TMEM205: variants seen among roughly 807,000 people sequenced by gnomAD.
TMEM205 encodes MBC3205.
TMEM205 carries 11 observed loss-of-function variants against 17.9 expected under a neutral mutation model. The observed-to-expected ratio is 0.61, with a 90% confidence interval of 0.39 to 1.02. TMEM205 has a LOEUF of 1.02. Among genes scored for constraint, TMEM205 ranks in the 50% least tolerant of loss-of-function variants. The probability of loss-of-function intolerance (pLI) is 0.01; values close to 1 mark genes in which losing one functional copy is unlikely to be tolerated. For synonymous variants in TMEM205, 86 were observed against 97.4 expected (o/e 0.88, Z 0.69); for missense variants, 236 against 239.4 (o/e 0.99, Z 0.09).
At chr19:11,344,133 C>G (rs546716732) in intron 2 of TMEM205, among the ~76,000 whole-genome samples, 3 of 151,520 alleles carry the variant, frequency 2.0e-5, no homozygotes, top group African/African-American at 4.9e-5. Context: ...TTAGTAGAGA[C>G]GGGGTTTCAC....
rs754961217 is a variant in TMEM205 at position 11,343,035 on chromosome 19, A to T, written c.350T>A (p.Leu117Gln). 6.2e-7 allele frequency: 1 copy of T among 1,614,148 alleles called. No homozygotes were observed. The highest frequency in any genetic ancestry group is 1.7e-5 in the Admixed American group (1 of 60,020). The stretch of plus-strand genomic sequence containing the variant: ...GCCTCGCTCCTTCTCCACGGTTTGC[A>T]GGGCCCACATGGCAGCTGTGGTGCG... Reference protein sequence around the residue: ...EPRTTAAMWALQTVEKERGLG... With the variant: ...EPRTTAAMWAQQTVEKERGLG... Residue 117 changes from leucine (L) to glutamine (Q), a missense_variant, in exon 3 of 3, where the codon CTG becomes CAG. Physicochemically the swap from Leu to Gln is moderately radical, Grantham distance 113. Transcript: ENST00000354882.
At position 11,345,835 on chromosome 19, in the gene TMEM205, G is replaced by A; in HGVS notation, c.-216C>T. On this transcript the variant is annotated 5_prime_UTR_variant, in exon 1 of 3. Transcript: ENST00000354882. Reference sequence around the variant, plus strand: ...CATCTCTCCAAATGTCAGCCCTCAAGATCTCAGGCTCTCTGGACCTCAATC... The same window carrying A: ...CATCTCTCCAAATGTCAGCCCTCAAAATCTCAGGCTCTCTGGACCTCAATC... 1.1e-6 allele frequency: 1 copy of A among 928,714 alleles called. No individual in the cohort carries two copies. The highest frequency in any genetic ancestry group is 1.5e-6 in the Non-Finnish European group (1 of 658,266). The allele number at this position is 928,714 out of a possible 1,614,324, so 57.5% of individuals were successfully genotyped here. A position where few individuals can be genotyped will look rare whatever the true frequency, so the allele number is the denominator to read the frequency against.
chr19:11,345,353 G>GGAA lies in TMEM205; in HGVS notation c.160_162dup (p.Phe54dup), dbSNP rs1967149913. On this transcript the variant is annotated inframe_insertion, in exon 2 of 3. Coordinates refer to ENST00000354882, the MANE Select transcript of TMEM205 (RefSeq NM_198536.3). Reference sequence around the variant, plus strand: ...CCCATGGAGATGTGGAAGTAGAAGGGGAAGAGTTTGCTCTGCACTAGTCCG... The same window carrying GGAA: ...CCCATGGAGATGTGGAAGTAGAAGGGGAAGAAGAGTTTGCTCTGCACTAGTCCG... 1 of 1,614,174 alleles carries GGAA rather than the reference G, an allele frequency of 6.2e-7. No individual in the cohort carries two copies. The highest frequency in any genetic ancestry group is 1.7e-5 in the Admixed American group (1 of 60,008).
upstream of TMEM205, chr19:11,346,419 G>T: frequency 1.5e-6 from 1 of 684,178 alleles, no homozygotes; most frequent in South Asian, 1.7e-5. Flanking sequence ...ATCCAATTAC[G>T]CCGCGGCTAC....
At position 11,345,379 on chromosome 19, in the gene TMEM205, AAGGT is replaced by A; in HGVS notation, c.133_136del (p.Thr45SerfsTer3). 1.2e-6 allele frequency: 2 copies of A among 1,614,172 alleles called. No individual in the cohort carries two copies. Among genetic ancestry groups the A allele is most frequent in the Non-Finnish European group, 1.7e-6 (2 of 1,180,028 alleles). ...GAAGAGTTTGCTCTGCACTAGTCCG[AAGGT>A]ATGTCGGGGAAGGCTTCGGAAAAGC... On this transcript the variant is annotated frameshift_variant, in exon 2 of 3. Transcript: ENST00000354882. LOFTEE classifies it high-confidence loss of function.
At position 11,345,249 on chromosome 19, in the gene TMEM205, T is replaced by A. The variant is rs1196915474; in HGVS notation, c.264+3A>T. On this transcript the variant is annotated splice_donor_region_variant and intron_variant, in intron 2 of 2. Coordinates refer to ENST00000354882, the MANE Select transcript of TMEM205 (RefSeq NM_198536.3). ...GAGGGCAGTGGCACTCAAACCCACG[T>A]ACCTGGCTGGCCTCCCAGAATGTGA... 6.2e-7 allele frequency: 1 copy of A among 1,613,916 alleles called. No homozygotes were observed. The highest frequency in any genetic ancestry group is 1.3e-5 in the African/African-American group (1 of 74,932).
At position 11,342,914 on chromosome 19, in the gene TMEM205, G is replaced by A; in HGVS notation, c.471C>T (p.Phe157=). ...GAGAGGACAGCCCATGGTAGCGGAA[G>A]AAATTCTGGCGGAGAGCACTGTACT... ...DPKYSALRQN[F]FRYHGLSSLC... is the part of the protein sequence containing the mutation. Residue 157 remains phenylalanine, a synonymous_variant, in exon 3 of 3, where the codon TTC becomes TTT. Coordinates refer to ENST00000354882, the MANE Select transcript of TMEM205 (RefSeq NM_198536.3). The A allele has an allele frequency of 6.2e-7, 1 of 1,614,222 alleles. No homozygotes were observed. The highest frequency in any genetic ancestry group is 2.2e-5 in the East Asian group (1 of 44,884).
chr19:11,345,477 C>A (rs1193446737), intron 1 of TMEM205, 43 bp downstream of exon 1: 1 of 1,613,956 alleles, frequency 6.2e-7, no homozygotes, highest in Non-Finnish European at 8.5e-7. Flanking sequence ...TTATTTCCAT[C>A]CCCACCCCAG....
chr19:11,345,092 G>A, intron 2 of TMEM205, 160 bp downstream of exon 2: 4 of 679,834 alleles, frequency 5.9e-6, no homozygotes, highest in South Asian at 3.8e-5. Context: ...TCCTGACCTC[G>A]TGATCCGCCC....
intron 2 of TMEM205, among the ~76,000 whole-genome samples, chr19:11,344,152 C>A (rs1967050965): frequency 1.3e-5 from 2 of 151,724 alleles, no homozygotes; most frequent in South Asian, 4.2e-4. Flanking sequence ...ACCATGTTAG[C>A]CAGGATGGTC....
In TMEM205 at chr19:11,345,337, A is replaced by G; in HGVS notation, c.179T>C (p.Ile60Thr). 6.2e-7 allele frequency: 1 copy of G among 1,614,152 alleles called. No homozygotes were observed. Among genetic ancestry groups the G allele is most frequent in the Non-Finnish European group, 8.5e-7 (1 of 1,180,032 alleles). The change falls in exon 2 of 3, where the codon ATC becomes ACC. Residue 60 changes from isoleucine to threonine, a missense_variant. Ile to Thr is a moderately conservative substitution (Grantham distance 89). Coordinates refer to ENST00000354882, the MANE Select transcript of TMEM205 (RefSeq NM_198536.3). ...GTTGATGAAGGCACAGCCCATGGAG[A>G]TGTGGAAGTAGAAGGGGAAGAGTTT... ...QSKLFPFYFHISMGCAFINLC... is the reference protein window; with the variant it reads ...QSKLFPFYFHTSMGCAFINLC...
chr19:11,344,805 C>T (rs1466188979), intron 2 of TMEM205: 2 of 183,418 alleles, frequency 1.1e-5, no homozygotes, highest in Non-Finnish European at 2.3e-5. Flanking sequence ...GCTCCCCTCC[C>T]CTCCCTTCCT....
intron 2 of TMEM205, among the ~76,000 whole-genome samples, chr19:11,344,963 C>T (rs1264134012): frequency 6.6e-6 from 1 of 150,820 alleles, no homozygotes; most frequent in Non-Finnish European, 1.5e-5. Flanking sequence ...TCAAGCAATT[C>T]TCCTGCCTCA....
At chr19:11,346,450 A>G, upstream of TMEM205, 2 of 812,384 alleles carry the variant, frequency 2.5e-6, no homozygotes, top group Non-Finnish European at 4.0e-6. Context: ...TGAAGCGTGA[A>G]GGCGCCAATG....
chr19:11,346,458 A>G (rs1720395353), upstream of TMEM205: 2 of 918,300 alleles, frequency 2.2e-6, no homozygotes, highest in East Asian at 2.7e-5. Flanking sequence ...GAAGGCGCCA[A>G]TGAGGCCTTC....
chr19:11,343,139 G>T lies in TMEM205; in HGVS notation c.265-19C>A. On this transcript the variant is annotated intron_variant, in intron 2 of 2. Transcript: ENST00000354882. ...GGTAAAGCTGGCAGGGAGAGCAGAG[G>T]AGAAGGTGAGCCATGCCTGGGAGGC... The T allele has an allele frequency of 6.3e-7, 1 of 1,599,336 alleles. No homozygotes were observed. The highest frequency in any genetic ancestry group is 8.5e-7 in the Non-Finnish European group (1 of 1,172,562).
chr19:11,343,204 G>C, intron 2 of TMEM205, 84 bp from the exon 3 acceptor site: 6 of 1,281,132 alleles, frequency 4.7e-6, no homozygotes, highest in African/African-American at 1.5e-5. Context: ...ATCCTCAACA[G>C]CACAGGGGTG....
chr19:11,345,487 G>A (rs1430085502), intron 1 of TMEM205, 33 bp downstream of exon 1: 1 of 1,613,932 alleles, frequency 6.2e-7, no homozygotes, highest in Non-Finnish European at 8.5e-7. Context: ...CCCCACCCCA[G>A]GTACCCATGA....
In TMEM205 at chr19:11,343,114, G is replaced by C; in HGVS notation, c.271C>G (p.Leu91Val). Residue 91 changes from leucine to valine, a missense_variant, in exon 3 of 3, where the codon CTG becomes GTG. Leu to Val is a conservative substitution (Grantham distance 32). Coordinates refer to ENST00000354882, the MANE Select transcript of TMEM205 (RefSeq NM_198536.3). ...LTFWEASQLY[L>V]LFLSLTLATV... The stretch of plus-strand genomic sequence containing the variant: ...GCCAGCGTAAGGCTCAGGAACAGCA[G>C]GTAAAGCTGGCAGGGAGAGCAGAGG... 1 of 1,610,192 alleles carries C rather than the reference G, an allele frequency of 6.2e-7. No individual in the cohort carries two copies. The highest frequency in any genetic ancestry group is 8.5e-7 in the Non-Finnish European group (1 of 1,178,082).
Sources: gnomAD v4.1 joint callset for allele counts (sites outside exome capture counted in the v4.1 genomes callset) on GRCh38, gnomAD v4.1.1 for gene constraint, MANE v1.5 for transcripts, NCBI Gene and HGNC (gene_info 2026-07-23, HGNC 2026-07-21) for gene names.